The following USP15 variants were observed in gnomAD, a reference collection of about 807,000 sequenced individuals.
USP15 encodes the protein ubiquitin carboxyl-terminal hydrolase 15.
Under a neutral mutation model 127.1 loss-of-function variants are expected in USP15, and 18 were observed. The observed-to-expected ratio is 0.14, with a 90% CI of 0.10 to 0.21. The LOEUF (loss-of-function observed/expected upper bound fraction) is 0.21. Among genes scored for constraint, USP15 ranks in the 10% least tolerant of loss-of-function variants. The pLI is 1.00. For missense variants in USP15, 805 were observed against 1,159.9 expected (o/e 0.69, Z 4.44); for synonymous variants, 364 against 393.7 (o/e 0.92, Z 0.89).
At chr12:62,335,233 A>G in intron 6 of USP15, 2 of 1,535,194 alleles carry the variant, frequency 1.3e-6, no homozygotes, top group Non-Finnish European at 1.7e-6. Context: ...AGAGAGCTAA[A>G]GGGCTCTGGT....
intron 8 of USP15, among the ~76,000 whole-genome samples, chr12:62,360,150 C>T (rs1257147939): frequency 6.6e-6 from 1 of 151,926 alleles, no homozygotes; most frequent in Non-Finnish European, 1.5e-5. Context: ...GTGGTCTTTT[C>T]CATTGGAAAG....
In USP15 at chr12:62,271,249, A is replaced by T. The variant is rs991956770; in HGVS notation, c.89+10746A>T. ...TTTAAATAATGCTTTAAAACATTCAAAATTATTTATGAATAATTATTTATG... is the reference window on the plus strand; with the variant it reads ...TTTAAATAATGCTTTAAAACATTCATAATTATTTATGAATAATTATTTATG... On this transcript the variant is annotated intron_variant, in intron 1 of 21. Transcript: ENST00000280377. Among the ~76,000 whole-genome samples, 4 of 152,234 alleles carry T rather than the reference A, an allele frequency of 2.6e-5. No homozygotes were observed. In the East Asian group the frequency reaches 7.7e-4, roughly 29 times the overall value.
rs940894970 is a variant in USP15 at position 62,407,758 on chromosome 12, T to C, written c.*3383T>C. On this transcript the variant is annotated 3_prime_UTR_variant, in exon 22 of 22. Transcript: ENST00000280377. ...CTTTCTGTTTGTTTGTTTGTTTGTT[T>C]AGAGACAAGGTCTCCCTCTGTCGCC... The C allele has an allele frequency of 6.6e-6, 1 of 152,058 alleles. No homozygotes were observed. The highest frequency in any genetic ancestry group is 1.5e-5 in the Non-Finnish European group (1 of 68,008). 9.4% of individuals were successfully genotyped at this position (152,058 alleles called of 1,614,324 possible). A position where few individuals can be genotyped will look rare whatever the true frequency, so the allele number is the denominator to read the frequency against.
chr12:62,415,396 A>G lies in USP15; in HGVS notation c.*11021A>G, dbSNP rs568648397. ...GACTTAAATGTTAATCTCATCCAAA[A>G]ACACCCTCATAGATATGCCCAGAAT... On this transcript the variant is annotated 3_prime_UTR_variant, in exon 22 of 22. Coordinates refer to ENST00000280377, the MANE Select transcript of USP15 (RefSeq NM_001252078.2). The G allele has an allele frequency of 4.6e-5, 7 of 152,326 alleles. No individual in the cohort carries two copies. Among genetic ancestry groups the G allele is most frequent in the African/African-American group, 1.7e-4 (7 of 41,578 alleles). The allele number at this position is 152,326 out of a possible 1,614,324, so 9.4% of individuals were successfully genotyped here.
At chr12:62,299,932 T>C (rs1397863249) in intron 2 of USP15, among the ~76,000 whole-genome samples, 2 of 152,316 alleles carry the variant, frequency 1.3e-5, no homozygotes, top group East Asian at 1.9e-4. Flanking sequence ...AAGTTCTTTT[T>C]TTGTGTGCTT....
At chr12:62,263,239 TGTC>T (rs2063114682) in intron 1 of USP15, among the ~76,000 whole-genome samples, 1 of 152,186 alleles carries the variant, frequency 6.6e-6, no homozygotes, top group Non-Finnish European at 1.5e-5. Flanking sequence ...TGTGGAATAT[TGTC>T]GTGGCATATG....
intron 20 of USP15, among the ~76,000 whole-genome samples, chr12:62,397,496 T>A (rs1183094796): frequency 6.6e-6 from 1 of 152,238 alleles, no homozygotes; most frequent in Non-Finnish European, 1.5e-5. Context: ...TATTTAAGAA[T>A]TGTTGTTTAT....
At chr12:62,293,368 C>CT (rs2064032366) in intron 1 of USP15, among the ~76,000 whole-genome samples, 1 of 151,810 alleles carries the variant, frequency 6.6e-6, no homozygotes, top group African/African-American at 2.4e-5. Context: ...AATTTTGGTT[C>CT]TTTTTTGAGA....
At chr12:62,322,422 C>T (rs867502074) in intron 5 of USP15, among the ~76,000 whole-genome samples, 2 of 152,086 alleles carry the variant, frequency 1.3e-5, no homozygotes, top group African/African-American at 2.4e-5. Context: ...AGGTGTGCGC[C>T]ACCGTGCCCG....
intron 19 of USP15, among the ~76,000 whole-genome samples, chr12:62,394,276 G>A (rs747721829): frequency 3.3e-5 from 5 of 152,024 alleles, no homozygotes; most frequent in African/African-American, 7.2e-5. Context: ...AACTTTCAGC[G>A]GTATTATTTC....
rs537999225 is a variant in USP15 at position 62,388,396 on chromosome 12, G to A, written c.1474-1035G>A. Among the ~76,000 whole-genome samples the A allele has an allele frequency of 6.6e-5, 10 of 152,330 alleles. No individual in the cohort carries two copies. In the Middle Eastern group the frequency reaches 0.01, roughly 155 times the overall value. ...GATTCACCTGCCTTGGCCTCCCAAA[G>A]TGTTGGGATTACAGGCGTGAGCCAC... On this transcript the variant is annotated intron_variant, in intron 11 of 21. Transcript: ENST00000280377.
intron 4 of USP15, among the ~76,000 whole-genome samples, chr12:62,320,234 C>T (rs2064947083): frequency 6.6e-6 from 1 of 152,092 alleles, no homozygotes; most frequent in Admixed American, 6.6e-5. Flanking sequence ...GCAGATTTCC[C>T]CCTTGCTGTT....
At chr12:62,391,128 A>T in intron 15 of USP15, 29 bp from the exon 16 acceptor site, 1 of 1,586,764 alleles carries the variant, frequency 6.3e-7, no homozygotes, top group Non-Finnish European at 8.5e-7. Flanking sequence ...CATTGGGTTT[A>T]TTTAAAGCTC....
At chr12:62,308,935 G>T (rs2064569542) in intron 3 of USP15, among the ~76,000 whole-genome samples, 1 of 151,986 alleles carries the variant, frequency 6.6e-6, no homozygotes, top group South Asian at 2.1e-4. Context: ...ATTTTAAACT[G>T]AATAATAATT....
In USP15 at chr12:62,368,674, A is replaced by G. The variant is rs145990712; in HGVS notation, c.916-12816A>G. ...CCATTTGGTTGGTAAATATTCTTCC[A>G]TCCTTTTATTTTGAGCCTATGTGTG... On this transcript the variant is annotated intron_variant, in intron 8 of 21. Transcript: ENST00000280377. 2.2e-3 allele frequency among the ~76,000 whole-genome samples: 330 copies of G among 152,032 alleles called. 3 individuals are homozygous for G. The highest frequency in any genetic ancestry group is 7.5e-3 in the African/African-American group (309 of 41,450).
In USP15 at chr12:62,325,938, G is replaced by A; in HGVS notation, c.683+5G>A. The A allele has an allele frequency of 6.2e-7, 1 of 1,608,214 alleles. No homozygotes were observed. Among genetic ancestry groups the A allele is most frequent in the Non-Finnish European group, 8.5e-7 (1 of 1,176,812 alleles). On this transcript the variant is annotated splice_donor_5th_base_variant and intron_variant, in intron 6 of 21. Transcript: ENST00000280377. ...AAGGGGTCCTTCTACTCCTAAGTAA[G>A]TGCTCCCACTTCTTATGGCTTATTG...
At chr12:62,294,023 CTT>C (rs1405637123) in intron 1 of USP15, among the ~76,000 whole-genome samples, 154 bp from the exon 2 acceptor site, 2 of 152,098 alleles carry the variant, frequency 1.3e-5, no homozygotes, top group Non-Finnish European at 2.9e-5. Flanking sequence ...CAAATGAAGT[CTT>C]GTCTTTCTAA....
intron 1 of USP15, among the ~76,000 whole-genome samples, chr12:62,285,104 T>C (rs1407317015): frequency 6.6e-6 from 1 of 152,188 alleles, no homozygotes; most frequent in African/African-American, 2.4e-5. Flanking sequence ...TGATTATACT[T>C]TCTATTAATA....
chr12:62,326,677 A>T (rs900278500), intron 6 of USP15, among the ~76,000 whole-genome samples: 1 of 152,218 alleles, frequency 6.6e-6, no homozygotes, highest in African/African-American at 2.4e-5. Context: ...CTGTGAAAAA[A>T]TTTTTAAGTT....
Sources: allele counts gnomAD v4.1 joint callset (sites outside exome capture counted in the v4.1 genomes callset), GRCh38; gene constraint gnomAD v4.1.1; transcripts MANE v1.5; gene names NCBI Gene and HGNC (gene_info 2026-07-23, HGNC 2026-07-21).